The following KCNMA1 variants were observed in gnomAD, a reference collection of about 807,000 sequenced individuals.
The protein encoded by KCNMA1 is Calcium-activated potassium channel subunit alpha-1.
A neutral mutation model predicts 140.0 loss-of-function variants in KCNMA1; 29 were observed. The ratio of observed to expected loss-of-function variants is 0.21; its 90% CI spans 0.15 to 0.28. The LOEUF is 0.28. KCNMA1 is among the 10% of genes least tolerant of loss of function. KCNMA1 has a pLI of 1.00. For synonymous variants in KCNMA1, 612 were observed against 611.9 expected (o/e 1.00, Z 0.00); for missense variants, 880 against 1,602.2 (o/e 0.55, Z 7.70).
intron 2 of KCNMA1, among the ~76,000 whole-genome samples, chr10:77,293,356 G>T (rs142287208): frequency 5.9e-5 from 9 of 152,214 alleles, no homozygotes; most frequent in African/African-American, 1.7e-4. Context: ...CAACAAGAAT[G>T]GGGGGGACAA....
intron 17 of KCNMA1, 78 bp downstream of exon 17, chr10:77,018,935 T>C: frequency 1.2e-6 from 1 of 820,648 alleles, no homozygotes; most frequent in Non-Finnish European, 2.2e-6. Context: ...TTTGGGGTTA[T>C]GGAAGCCTGC....
intron 2 of KCNMA1, among the ~76,000 whole-genome samples, chr10:77,334,210 C>G (rs1033234574): frequency 6.6e-6 from 1 of 152,064 alleles, no homozygotes; most frequent in Non-Finnish European, 1.5e-5. Flanking sequence ...ATTCGCTCAC[C>G]GCTCTACTCC....
chr10:77,372,987 A>G (rs1202057778), intron 2 of KCNMA1: 1 of 152,248 alleles, frequency 6.6e-6, no homozygotes, highest in African/African-American at 2.4e-5. Flanking sequence ...TACCAACTAA[A>G]TAGCCAGATT....
chr10:77,206,408 G>C (rs557630540), intron 3 of KCNMA1, among the ~76,000 whole-genome samples: 7 of 152,234 alleles, frequency 4.6e-5, no homozygotes, highest in African/African-American at 1.7e-4. Context: ...AGTTAAAACA[G>C]GACAAGGGCT....
chr10:77,618,316 GCTGA>G (rs1358979808), intron 1 of KCNMA1, among the ~76,000 whole-genome samples: 1 of 152,186 alleles, frequency 6.6e-6, no homozygotes, highest in Non-Finnish European at 1.5e-5. Flanking sequence ...AGGTGGCCTA[GCTGA>G]CTAATACACA....
In KCNMA1 at chr10:77,063,878, C is replaced by G. The variant is rs575625938; in HGVS notation, c.1749+9219G>C. ...TAAAGGCCAATTATCTCTGAAAGAG[C>G]TCAGACTGATGCTTGGCCAGAGGCT... On this transcript the variant is annotated intron_variant, in intron 14 of 27. Transcript: ENST00000286628. 3.9e-5 allele frequency: 38 copies of G among 985,444 alleles called. No individual in the cohort carries two copies. In the African/African-American group the frequency reaches 6.3e-4, roughly 16 times the overall value. The allele number at this position is 985,444 out of a possible 1,614,324, so 61.0% of individuals were successfully genotyped here. A position where few individuals can be genotyped will look rare whatever the true frequency, so the allele number is the denominator to read the frequency against.
At chr10:77,103,039 G>A (rs1158415653) in intron 9 of KCNMA1, among the ~76,000 whole-genome samples, 1 of 152,138 alleles carries the variant, frequency 6.6e-6, no homozygotes, top group African/African-American at 2.4e-5. Flanking sequence ...GGGGCCACAG[G>A]AATGGACAGT....
chr10:77,196,656 T>A (rs888705118), intron 3 of KCNMA1, among the ~76,000 whole-genome samples: 4 of 152,192 alleles, frequency 2.6e-5, no homozygotes, highest in African/African-American at 9.6e-5. Flanking sequence ...TCAGATTTCA[T>A]GAAGAAAACC....
intron 1 of KCNMA1, among the ~76,000 whole-genome samples, chr10:77,596,199 G>A (rs2080891992): frequency 6.6e-6 from 1 of 152,172 alleles, no homozygotes; most frequent in Non-Finnish European, 1.5e-5. Flanking sequence ...TCGAATTGCC[G>A]AAGAAGCAGG....
intron 1 of KCNMA1, among the ~76,000 whole-genome samples, chr10:77,540,508 C>T (rs1187071331): frequency 1.3e-5 from 2 of 152,150 alleles, no homozygotes; most frequent in African/African-American, 4.8e-5. Flanking sequence ...TACTTAGTGG[C>T]TCTTTGGGTA....
At chr10:77,459,884 T>C (rs1186510861) in intron 1 of KCNMA1, among the ~76,000 whole-genome samples, 1 of 152,172 alleles carries the variant, frequency 6.6e-6, no homozygotes, top group African/African-American at 2.4e-5. Context: ...GTGGACACAA[T>C]AACAATAACT....
At chr10:76,961,863 T>A (rs978299413) in intron 20 of KCNMA1, among the ~76,000 whole-genome samples, 3 of 152,236 alleles carry the variant, frequency 2.0e-5, no homozygotes, top group African/African-American at 7.2e-5. Flanking sequence ...ACCTAACTTT[T>A]ATATGCACTA....
intron 1 of KCNMA1, among the ~76,000 whole-genome samples, chr10:77,594,164 G>A (rs919943714): frequency 6.6e-6 from 1 of 152,156 alleles, no homozygotes; most frequent in Admixed American, 6.5e-5. Context: ...CAAGGTGAGG[G>A]GGCAGCTCCC....
At chr10:77,341,493 G>T (rs889091893) in intron 2 of KCNMA1, among the ~76,000 whole-genome samples, 2 of 152,136 alleles carry the variant, frequency 1.3e-5, no homozygotes, top group African/African-American at 2.4e-5. Context: ...CAGGTTTACA[G>T]TGGAGAAACA....
chr10:77,353,982 T>C (rs1053452892), intron 2 of KCNMA1, among the ~76,000 whole-genome samples: 1 of 16,004 alleles, frequency 6.2e-5, no homozygotes, highest in Non-Finnish European at 1.5e-4. Context: ...GGGGGGGGGG[T>C]GGTGGGGGTG....
At chr10:76,936,444 G>A (rs2060577643) in intron 23 of KCNMA1, among the ~76,000 whole-genome samples, 1 of 152,160 alleles carries the variant, frequency 6.6e-6, no homozygotes, top group Non-Finnish European at 1.5e-5. Flanking sequence ...TGTCTTTCTG[G>A]TTTTTGGGAC....
At chr10:77,552,229 C>T (rs1349129409) in intron 1 of KCNMA1, among the ~76,000 whole-genome samples, 1 of 152,158 alleles carries the variant, frequency 6.6e-6, no homozygotes, top group Non-Finnish European at 1.5e-5. Context: ...GGCTGCCTGA[C>T]TGACTTATCC....
At chr10:77,431,669 T>G (rs2097153807) in intron 1 of KCNMA1, among the ~76,000 whole-genome samples, 2 of 118,118 alleles carry the variant, frequency 1.7e-5, no homozygotes, top group Non-Finnish European at 1.6e-5. Flanking sequence ...GCCCCTGAAG[T>G]CTGGTCTGTT....
intron 2 of KCNMA1, among the ~76,000 whole-genome samples, chr10:77,287,958 G>A (rs2071634098): frequency 1.3e-5 from 2 of 152,238 alleles, no homozygotes; most frequent in Non-Finnish European, 2.9e-5. Flanking sequence ...AGAAAAACAA[G>A]TTGACCCAGA....
Sources: allele counts gnomAD v4.1 joint callset (sites outside exome capture counted in the v4.1 genomes callset), GRCh38; gene constraint gnomAD v4.1.1; transcripts MANE v1.5; gene names NCBI Gene and HGNC (gene_info 2026-07-23, HGNC 2026-07-21).